ARHGAP20: variants seen among roughly 807,000 people sequenced by gnomAD.
The protein encoded by ARHGAP20 is Rho GTPase activating protein 20.
Under a neutral mutation model 73.7 loss-of-function variants are expected in ARHGAP20, and 34 were observed. That is an observed-to-expected ratio of 0.46 (90% CI 0.35 to 0.61). The LOEUF is 0.61. ARHGAP20 is among the 20% of genes least tolerant of loss of function. The pLI is 0.00. For synonymous variants in ARHGAP20, 523 were observed against 518.2 expected (o/e 1.01, Z -0.13); for missense variants, 1,314 against 1,420.9 (o/e 0.92, Z 1.21).
intron 1 of ARHGAP20, among the ~76,000 whole-genome samples, chr11:110,701,590 A>G (rs376586953): frequency 7.3e-5 from 11 of 151,348 alleles, no homozygotes; most frequent in Middle Eastern, 3.4e-3. Context: ...AGTTTAATTA[A>G]ATCCCATTTG....
intron 1 of ARHGAP20, among the ~76,000 whole-genome samples, chr11:110,707,863 GT>G (rs67937014): frequency 0.27 from 38,848 of 142,530 alleles, 5,065 homozygotes; most frequent in African/African-American, 0.34. Context: ...TCATTTTTTT[GT>G]TTTTTTTTTT....
At chr11:110,642,446 T>C (rs1161320983) in intron 2 of ARHGAP20, among the ~76,000 whole-genome samples, 1 of 152,090 alleles carries the variant, frequency 6.6e-6, no homozygotes, top group Non-Finnish European at 1.5e-5. Context: ...GCTCTTATTA[T>C]TTGAGATATA....
At chr11:110,640,085 C>G (rs780400163) in intron 2 of ARHGAP20, among the ~76,000 whole-genome samples, 4 of 152,084 alleles carry the variant, frequency 2.6e-5, no homozygotes, top group South Asian at 4.1e-4. Flanking sequence ...TTAGACTTCT[C>G]CCCTTTTGCT....
In ARHGAP20 at chr11:110,592,159, A is replaced by G. The variant is rs1947845582; in HGVS notation, c.965-4T>C. The G allele has an allele frequency of 6.2e-7, 1 of 1,609,264 alleles. No individual in the cohort carries two copies. Among genetic ancestry groups the G allele is most frequent in the Non-Finnish European group, 8.5e-7 (1 of 1,176,878 alleles). On this transcript the variant is annotated splice_region_variant and splice_polypyrimidine_tract_variant and intron_variant, in intron 9 of 14. Coordinates refer to ENST00000683387, the MANE Select transcript of ARHGAP20 (RefSeq NM_001384657.1). ...TTAAATGTCTTATGACCTGAATCTAAGGAAGAAGTGAGCTTATTAGAAAAA... is the reference window on the plus strand; with the variant it reads ...TTAAATGTCTTATGACCTGAATCTAGGGAAGAAGTGAGCTTATTAGAAAAA...
intron 2 of ARHGAP20, among the ~76,000 whole-genome samples, chr11:110,683,651 T>C (rs1385360337): frequency 1.3e-5 from 2 of 152,148 alleles, no homozygotes; most frequent in African/African-American, 2.4e-5. Context: ...AAAAGATATA[T>C]AGGGTGGTTA....
rs115872640 is a variant in ARHGAP20, at chr11:110,584,876, T to C, written c.1416-1139A>G. On this transcript the variant is annotated intron_variant, in intron 12 of 14. Coordinates refer to ENST00000683387, the MANE Select transcript of ARHGAP20 (RefSeq NM_001384657.1). ...ATATATGTGAATATATAAATGAATATATATGTGAATGTAAAAATGAATATA... is the reference window on the plus strand; with the variant it reads ...ATATATGTGAATATATAAATGAATACATATGTGAATGTAAAAATGAATATA... 4.4e-3 allele frequency among the ~76,000 whole-genome samples: 665 copies of C among 151,012 alleles called. 5 individuals carry two copies. The highest frequency in any genetic ancestry group is 0.015 in the African/African-American group (625 of 41,318).
intron 4 of ARHGAP20, among the ~76,000 whole-genome samples, chr11:110,618,581 T>TAGTGATAGAGTATATGC (rs1565441226): frequency 4.6e-5 from 7 of 151,928 alleles, no homozygotes; most frequent in African/African-American, 9.7e-5. Flanking sequence ...AGTGTATATG[T>TAGTGATAGAGTATATGC]AGTGATAGAG....
At chr11:110,585,543 T>C (rs1378939088) in intron 12 of ARHGAP20, among the ~76,000 whole-genome samples, 1 of 152,176 alleles carries the variant, frequency 6.6e-6, no homozygotes, top group South Asian at 2.1e-4. Flanking sequence ...TTGAGATTCT[T>C]GAGTATTCAC....
intron 2 of ARHGAP20, among the ~76,000 whole-genome samples, chr11:110,657,442 T>C (rs1368374627): frequency 6.6e-6 from 1 of 151,142 alleles, no homozygotes; most frequent in Non-Finnish European, 1.5e-5. Flanking sequence ...GGGAATTTAG[T>C]GTGGGGAGTG....
chr11:110,599,402 AC>A lies in ARHGAP20; in HGVS notation c.964+7158del, dbSNP rs202026066. ...CCCCTGGTGCCTTGGACTGCTCTGG[AC>A]TTTGGGTGCCAACAAGCATAGGAGG... On this transcript the variant is annotated intron_variant, in intron 9 of 14. Coordinates refer to ENST00000683387, the MANE Select transcript of ARHGAP20 (RefSeq NM_001384657.1). Among the ~76,000 whole-genome samples the A allele has an allele frequency of 8.6e-3, 1,317 of 152,302 alleles. 28 individuals carry two copies. Among genetic ancestry groups the A allele is most frequent in the African/African-American group, 0.03 (1,239 of 41,566 alleles).
rs752720615 is a variant in ARHGAP20 at position 110,592,165 on chromosome 11, A to C, written c.965-10T>G. 10 of 1,602,008 alleles carry C rather than the reference A, an allele frequency of 6.2e-6. No individual in the cohort carries two copies. The South Asian group carries it at 1.1e-4, about 18-fold the overall frequency. ...GTCTTATGACCTGAATCTAAGGAAGAAGTGAGCTTATTAGAAAAATGAGTT... is the reference window on the plus strand; with the variant it reads ...GTCTTATGACCTGAATCTAAGGAAGCAGTGAGCTTATTAGAAAAATGAGTT... On this transcript the variant is annotated splice_polypyrimidine_tract_variant and intron_variant, in intron 9 of 14. Transcript: ENST00000683387.
chr11:110,642,514 T>C (rs1346136206), intron 2 of ARHGAP20, among the ~76,000 whole-genome samples: 1 of 152,108 alleles, frequency 6.6e-6, no homozygotes, highest in Non-Finnish European at 1.5e-5. Context: ...TGGGTTTTGT[T>C]GAAAGCTTTT....
In ARHGAP20 at chr11:110,579,878, C is replaced by G. The variant is rs1363859790; in HGVS notation, c.3068G>C (p.Trp1023Ser). 6.2e-7 allele frequency: 1 copy of G among 1,614,232 alleles called. No homozygotes were observed. Among genetic ancestry groups the G allele is most frequent in the South Asian group, 1.1e-5 (1 of 91,080 alleles). Residue 1023 changes from tryptophan to serine, a missense_variant, in exon 15 of 15, where the codon TGG (tryptophan) becomes TCG (serine). Trp to Ser is a radical substitution (Grantham distance 177). Transcript: ENST00000683387. ...PAYTKKDTME[W>S]HSQMHSVTLH... is the part of the protein sequence containing the mutation. ...AGTTACAGAATGCATTTGTGAATGCCACTCCATGGTGTCCTTCTTTGTATA... is the reference window on the plus strand; with the variant it reads ...AGTTACAGAATGCATTTGTGAATGCGACTCCATGGTGTCCTTCTTTGTATA...
At chr11:110,632,327 C>T (rs985224794) in intron 2 of ARHGAP20, among the ~76,000 whole-genome samples, 8 of 152,302 alleles carry the variant, frequency 5.3e-5, no homozygotes, top group South Asian at 2.1e-4. Context: ...AGTTGCTCCA[C>T]GACCTTGCTA....
At chr11:110,593,904 T>G (rs595737) in intron 9 of ARHGAP20, among the ~76,000 whole-genome samples, 83,199 of 152,180 alleles carry the variant, frequency 0.55, 25,248 homozygotes, top group African/African-American at 0.83. Flanking sequence ...GAGTGCACGA[T>G]AATTGGTAAT....
At chr11:110,686,769 T>A (rs1950140395) in intron 2 of ARHGAP20, among the ~76,000 whole-genome samples, 1 of 152,018 alleles carries the variant, frequency 6.6e-6, no homozygotes, top group African/African-American at 2.4e-5. Context: ...TATGCTGATA[T>A]CTGTATCCCA....
chr11:110,712,079 T>TG, intron 1 of ARHGAP20, 48 bp downstream of exon 1: 2 of 1,256,204 alleles, frequency 1.6e-6, no homozygotes, highest in South Asian at 7.1e-5. Flanking sequence ...GCGCCGGCAG[T>TG]GGGGGCTGCG....
At chr11:110,673,596 G>A (rs1949871878) in intron 2 of ARHGAP20, among the ~76,000 whole-genome samples, 1 of 152,162 alleles carries the variant, frequency 6.6e-6, no homozygotes, top group Admixed American at 6.5e-5. Flanking sequence ...ACTAAGCAGT[G>A]TAATTTATAG....
At chr11:110,603,985 C>T (rs1476875928) in intron 9 of ARHGAP20, among the ~76,000 whole-genome samples, 1 of 152,108 alleles carries the variant, frequency 6.6e-6, no homozygotes, top group African/African-American at 2.4e-5. Flanking sequence ...AGAGAATTCA[C>T]TTCTCACTCA....
Sources: allele counts gnomAD v4.1 joint callset (sites outside exome capture counted in the v4.1 genomes callset), GRCh38; gene constraint gnomAD v4.1.1; transcripts MANE v1.5; gene names NCBI Gene and HGNC (gene_info 2026-07-23, HGNC 2026-07-21).